Variants in GRID1 observed in about 807,000 individuals in gnomAD.
GRID1 encodes glutamate ionotropic receptor delta type subunit 1, also known as glutamate receptor ionotropic, delta-1.
GRID1 carries 28 observed loss-of-function variants against 98.0 expected under a neutral mutation model. That is an observed-to-expected ratio of 0.29 (90% CI 0.21 to 0.39). GRID1 has a LOEUF of 0.39. GRID1 is among the 10% of genes least tolerant of loss of function. The pLI is 1.00. For synonymous variants in GRID1, 553 were observed against 538.5 expected (o/e 1.03, Z -0.37); for missense variants, 1,111 against 1,340.5 (o/e 0.83, Z 2.67).
chr10:85,642,830 G>A (rs931602898), intron 13 of GRID1, among the ~76,000 whole-genome samples: 6 of 152,132 alleles, frequency 3.9e-5, no homozygotes, highest in Non-Finnish European at 8.8e-5. Context: ...GAGGGTTAGT[G>A]ATTTCCTAAG....
At position 85,964,608 on chromosome 10, in the gene GRID1, A is replaced by T. The variant is rs112894710; in HGVS notation, c.727-48369T>A. 8.1e-3 allele frequency among the ~76,000 whole-genome samples: 1,238 copies of T among 152,306 alleles called. 20 individuals are homozygous for T. The highest frequency in any genetic ancestry group is 0.027 in the African/African-American group (1,125 of 41,558). On this transcript the variant is annotated intron_variant, in intron 4 of 15. Transcript: ENST00000327946. The stretch of plus-strand genomic sequence containing the variant: ...GCCATATGCCAAAAGCTGAAACTGG[A>T]TCCCTTCCTTACACCTTTTACAAAA...
At chr10:86,089,140 G>A (rs374144616) in intron 4 of GRID1, among the ~76,000 whole-genome samples, 14 of 152,116 alleles carry the variant, frequency 9.2e-5, no homozygotes, top group African/African-American at 3.4e-4. Flanking sequence ...ATCCAAAAGG[G>A]TTTAGTATAG....
chr10:86,251,313 C>T (rs1846826888), intron 2 of GRID1, among the ~76,000 whole-genome samples: 1 of 151,652 alleles, frequency 6.6e-6, no homozygotes, highest in Non-Finnish European at 1.5e-5. Flanking sequence ...GCCAAATCCC[C>T]CTCTCCGAGA....
chr10:86,147,519 G>A (rs1169988036), intron 3 of GRID1, among the ~76,000 whole-genome samples: 1 of 151,990 alleles, frequency 6.6e-6, no homozygotes, highest in East Asian at 1.9e-4. Flanking sequence ...CAGAAAAGAG[G>A]GCCCAGAAAT....
At chr10:85,692,770 T>C (rs1841348197) in intron 12 of GRID1, among the ~76,000 whole-genome samples, 1 of 150,890 alleles carries the variant, frequency 6.6e-6, no homozygotes, top group African/African-American at 2.4e-5. Context: ...TAGAAAATCA[T>C]AAGAAAAAAC....
At chr10:85,887,480 A>G (rs924532807) in intron 5 of GRID1, among the ~76,000 whole-genome samples, 15 of 152,212 alleles carry the variant, frequency 9.9e-5, no homozygotes, top group African/African-American at 3.6e-4. Context: ...CAACAGTATC[A>G]GCATCATCTC....
chr10:86,323,673 C>T (rs1473246941), intron 2 of GRID1, among the ~76,000 whole-genome samples: 1 of 152,166 alleles, frequency 6.6e-6, no homozygotes, highest in African/African-American at 2.4e-5. Flanking sequence ...TCAATGGGTA[C>T]AGGGTCTCTT....
At chr10:86,039,245 C>T (rs531042276) in intron 4 of GRID1, among the ~76,000 whole-genome samples, 1 of 152,164 alleles carries the variant, frequency 6.6e-6, no homozygotes. Context: ...CCACCCTCAA[C>T]CTTGGAAGTT....
chr10:86,032,883 G>T (rs1357362331), intron 4 of GRID1, among the ~76,000 whole-genome samples: 2 of 145,972 alleles, frequency 1.4e-5, no homozygotes, highest in African/African-American at 5.1e-5. Flanking sequence ...TACCCATTCA[G>T]TATTCAAATT....
chr10:86,350,759 A>G (rs1377355620), intron 2 of GRID1, among the ~76,000 whole-genome samples: 1 of 152,218 alleles, frequency 6.6e-6, no homozygotes, highest in Non-Finnish European at 1.5e-5. Context: ...TAGCATATCC[A>G]TCACCTCAAA....
intron 2 of GRID1, among the ~76,000 whole-genome samples, chr10:86,305,517 C>T (rs900006322): frequency 6.6e-6 from 1 of 152,228 alleles, no homozygotes; most frequent in Non-Finnish European, 1.5e-5. Flanking sequence ...TCCCTCATGC[C>T]TGGGAAGCAC....
intron 12 of GRID1, among the ~76,000 whole-genome samples, chr10:85,710,581 T>C (rs549483264): frequency 2.0e-5 from 3 of 152,184 alleles, no homozygotes; most frequent in Admixed American, 2.0e-4. Flanking sequence ...ATACCTAAAG[T>C]ACAGGCAACA....
intron 3 of GRID1, among the ~76,000 whole-genome samples, chr10:86,190,153 C>T (rs112719490): frequency 6.6e-6 from 1 of 152,198 alleles, no homozygotes; most frequent in African/African-American, 2.4e-5. Flanking sequence ...CGCCCACCCC[C>T]AAGCAGGTCA....
In GRID1 at chr10:85,841,246, C is replaced by T. The variant is rs192090928; in HGVS notation, c.1233+13250G>A. 2.6e-3 allele frequency among the ~76,000 whole-genome samples: 390 copies of T among 152,232 alleles called. 2 individuals are homozygous for T. Among genetic ancestry groups the T allele is most frequent in the African/African-American group, 9.1e-3 (378 of 41,548 alleles). ...AAAAACAAGCAATAGGGAAAATTCC[C>T]TCTTCAATAAATGGTGCTGGAATAA... is the stretch of plus-strand genomic sequence containing the variant. On this transcript the variant is annotated intron_variant, in intron 8 of 15. Coordinates refer to ENST00000327946, the MANE Select transcript of GRID1 (RefSeq NM_017551.3).
intron 2 of GRID1, among the ~76,000 whole-genome samples, chr10:86,351,693 C>A (rs1467854749): frequency 6.6e-6 from 1 of 152,216 alleles, no homozygotes; most frequent in Admixed American, 6.5e-5. Context: ...CCACAGCAAG[C>A]AGTGATTTGG....
intron 8 of GRID1, among the ~76,000 whole-genome samples, chr10:85,806,953 T>G (rs529245967): frequency 6.6e-6 from 1 of 152,322 alleles, no homozygotes; most frequent in Admixed American, 6.5e-5. Flanking sequence ...ACAGATTTTT[T>G]TAAACTTTAC....
At chr10:86,182,974 T>C (rs960388563) in intron 3 of GRID1, among the ~76,000 whole-genome samples, 4 of 152,218 alleles carry the variant, frequency 2.6e-5, no homozygotes, top group African/African-American at 9.7e-5. Flanking sequence ...AACAGCTTTA[T>C]TGAGGTAATA....
chr10:86,241,378 G>A (rs77211772), intron 2 of GRID1, among the ~76,000 whole-genome samples: 5,585 of 152,332 alleles, frequency 0.037, 138 homozygotes, highest in Middle Eastern at 0.078. Context: ...CTCCACTTCT[G>A]GCAAGTTAAG....
Position 85,613,713 on chromosome 10 carries a change from C to A in GRID1, c.2361-66G>T, listed in dbSNP as rs916624647. The A allele has an allele frequency of 1.2e-5, 18 of 1,560,048 alleles. No homozygotes were observed. In the South Asian group the frequency reaches 1.5e-4, roughly 13 times the overall value. The stretch of plus-strand genomic sequence containing the variant: ...ATCAACTCAGCCACCGGGGCCCTGG[C>A]CCCTGCCCCACCATGCTGGCCCCAC... On this transcript the variant is annotated intron_variant, in intron 14 of 15. Coordinates refer to ENST00000327946, the MANE Select transcript of GRID1 (RefSeq NM_017551.3).
Sources: gnomAD v4.1 joint callset for allele counts (sites outside exome capture counted in the v4.1 genomes callset) on GRCh38, gnomAD v4.1.1 for gene constraint, MANE v1.5 for transcripts, NCBI Gene and HGNC (gene_info 2026-07-23, HGNC 2026-07-21) for gene names.